The following INTS6 variants were observed in gnomAD, a reference collection of about 807,000 sequenced individuals.
The protein encoded by INTS6 is DEAD box protein.
INTS6 carries 16 observed loss-of-function variants against 104.9 expected under a neutral mutation model. The observed-to-expected ratio is 0.15, with a 90% CI of 0.10 to 0.23. INTS6 has a LOEUF of 0.23. INTS6 is among the 10% of genes least tolerant of loss of function. The pLI, the probability that INTS6 is intolerant of heterozygous loss-of-function variation, is 1.00. For synonymous variants in INTS6, 324 were observed against 358.7 expected, an observed-to-expected ratio of 0.90 and a Z score of 1.09; for missense variants, 584 against 1,062.8, an observed-to-expected ratio of 0.55 and a Z score of 6.26.
intron 4 of INTS6, among the ~76,000 whole-genome samples, chr13:51,415,270 T>A (rs146969918): frequency 6.6e-6 from 1 of 152,192 alleles, no homozygotes. Context: ...GTCCCATTCA[T>A]CTAGATTCAT....
intron 7 of INTS6, chr13:51,384,949 A>C (rs770543960): frequency 5.1e-4 from 131 of 255,818 alleles, no homozygotes; most frequent in Non-Finnish European, 9.3e-4. Flanking sequence ...GCAGTGAAAT[A>C]TAAATAGGAT....
In INTS6 at chr13:51,399,971, C is replaced by A. The variant is rs1956406957; in HGVS notation, c.430-4488G>T. Among the ~76,000 whole-genome samples the A allele has an allele frequency of 3.3e-5, 5 of 152,132 alleles. No homozygotes were observed. In the South Asian group the frequency reaches 8.3e-4, roughly 25 times the overall value. On this transcript the variant is annotated intron_variant, in intron 4 of 17. Transcript: ENST00000311234. ...GTCTGTGGCCTGTTAAGGAATGGGG[C>A]CACACAGCAGGAAGTGAGCAGTGGG...
In INTS6 at chr13:51,389,375, T is replaced by C; in HGVS notation, c.683A>G (p.Gln228Arg). 1 of 1,613,812 alleles carries C rather than the reference T, an allele frequency of 6.2e-7. No homozygotes were observed. The highest frequency in any genetic ancestry group is 8.5e-7 in the Non-Finnish European group (1 of 1,179,794). ...TTCAAAGTTTATTACCACCCCACTTTGTACTTTCTGCACCAAGGACTCCAG... is the reference window on the plus strand; with the variant it reads ...TTCAAAGTTTATTACCACCCCACTTCGTACTTTCTGCACCAAGGACTCCAG... ...QCLESLVQKV[Q>R]SGVVINFEKA... is the part of the protein sequence containing the mutation. Residue 228 changes from glutamine (Q) to arginine (R), a missense_variant, in exon 6 of 18, where the codon CAA (glutamine) becomes CGA (arginine). By Grantham distance (43) the Gln-to-Arg change is conservative. This residue lies in a region of INTS6 where 144 missense variants were observed against 348.7 expected (regional missense o/e 0.41). Coordinates refer to ENST00000311234, the MANE Select transcript of INTS6 (RefSeq NM_012141.3).
intron 4 of INTS6, among the ~76,000 whole-genome samples, chr13:51,413,550 A>G (rs1012000881): frequency 2.0e-5 from 3 of 152,224 alleles, no homozygotes; most frequent in Non-Finnish European, 4.4e-5. Flanking sequence ...TATACCTCTA[A>G]TAAGTTGCAG....
chr13:51,433,373 A>G (rs557174077), intron 3 of INTS6, among the ~76,000 whole-genome samples: 1 of 152,346 alleles, frequency 6.6e-6, no homozygotes, highest in South Asian at 2.1e-4. Context: ...CCTTGAACCC[A>G]GAAGGTGGAG....
intron 12 of INTS6, among the ~76,000 whole-genome samples, chr13:51,377,941 C>T (rs1312237103): frequency 4.6e-5 from 7 of 152,040 alleles, no homozygotes. Context: ...AGTTTAAGTA[C>T]AAAACTATAG....
At chr13:51,400,320 G>A (rs1344074235) in intron 4 of INTS6, among the ~76,000 whole-genome samples, 4 of 152,186 alleles carry the variant, frequency 2.6e-5, no homozygotes, top group South Asian at 4.2e-4. Context: ...TTATTTTAGT[G>A]GTATCTTTTG....
downstream of INTS6, among the ~76,000 whole-genome samples, chr13:51,361,066 G>A (rs912196517): frequency 2.6e-5 from 4 of 151,994 alleles, no homozygotes; most frequent in African/African-American, 9.7e-5. Context: ...ACAAATTAAA[G>A]TTTGGTAACA....
intron 3 of INTS6, chr13:51,440,178 G>A (rs1334946717): frequency 2.0e-5 from 3 of 151,632 alleles, no homozygotes; most frequent in Non-Finnish European, 4.4e-5. Flanking sequence ...GTGAACCCAG[G>A]AGGCAGAGCT....
chr13:51,349,210 G>T (rs1308761289), downstream of INTS6, among the ~76,000 whole-genome samples: 1 of 152,168 alleles, frequency 6.6e-6, no homozygotes, highest in Non-Finnish European at 1.5e-5. Context: ...CCACTGCCTG[G>T]GCTTCCAGTA....
chr13:51,410,008 C>A (rs181993073), intron 4 of INTS6, among the ~76,000 whole-genome samples: 13 of 152,194 alleles, frequency 8.5e-5, no homozygotes, highest in African/African-American at 3.1e-4. Flanking sequence ...TCAATAATAA[C>A]ATCAAAATAT....
chr13:51,422,951 C>G (rs1465787353), intron 4 of INTS6: 7 of 721,106 alleles, frequency 9.7e-6, no homozygotes, highest in Non-Finnish European at 1.4e-5. Context: ...TTACTCCTTT[C>G]TTTACGCTGT....
intron 7 of INTS6, chr13:51,385,409 ACAGTTTATTGAAT>A (rs1956125945): frequency 6.6e-6 from 1 of 152,248 alleles, no homozygotes; most frequent in Non-Finnish European, 1.5e-5. Context: ...CACCTGACAC[ACAGTTTATTGAAT>A]CAGTCCACAA....
intron 3 of INTS6, chr13:51,448,520 A>C (rs913398085): frequency 6.6e-6 from 1 of 152,240 alleles, no homozygotes; most frequent in Non-Finnish European, 1.5e-5. Flanking sequence ...AAATTCTGAT[A>C]GCATCCTAGC....
intron 2 of INTS6, chr13:51,451,720 GCGCCGCCGCCGCCGCCGCCGC>G (rs551582945): frequency 5.2e-6 from 1 of 192,212 alleles, no homozygotes; most frequent in African/African-American, 2.4e-5. Context: ...GTTGATAGCA[GCGCCGCCGCCGCCGCCGCCGC>G]CGCCGCTGCC....
chr13:51,400,224 T>C (rs999629626), intron 4 of INTS6, among the ~76,000 whole-genome samples: 6 of 152,320 alleles, frequency 3.9e-5, no homozygotes, highest in African/African-American at 1.2e-4. Context: ...AGGAAACCAG[T>C]CCCTGGTGCC....
the INTS6 span, chr13:51,341,219 C>T: frequency 2.2e-5 from 35 of 1,613,886 alleles, no homozygotes; most frequent in Non-Finnish European, 2.7e-5. Flanking sequence ...AGTGTGGCCG[C>T]GTGTAGAAAT....
At chr13:51,450,246 T>C in intron 3 of INTS6, 1 of 984,844 alleles carries the variant, frequency 1.0e-6, no homozygotes, top group South Asian at 4.7e-5. Context: ...GTATCTTTTA[T>C]TTCCAGGGCA....
At chr13:51,356,197 T>C (rs1955479292) in intron 3 of INTS6, among the ~76,000 whole-genome samples, 2 of 152,130 alleles carry the variant, frequency 1.3e-5, no homozygotes, top group Non-Finnish European at 2.9e-5. Flanking sequence ...AAAGCAATAG[T>C]CAAGTTTGGG....
Sources: gnomAD v4.1 joint callset for allele counts (sites outside exome capture counted in the v4.1 genomes callset) on GRCh38, gnomAD v4.1.1 for gene constraint, gnomAD v4.1.1 regional missense constraint, MANE v1.5 for transcripts, NCBI Gene and HGNC (gene_info 2026-07-23, HGNC 2026-07-21) for gene names.